The following RNF150 variants were observed in gnomAD, a reference collection of about 807,000 sequenced individuals.
RNF150 encodes ring finger protein 150.
A neutral mutation model predicts 39.3 loss-of-function variants in RNF150; 24 were observed. That is an observed-to-expected ratio of 0.61 (90% confidence interval 0.44 to 0.86). The LOEUF (loss-of-function observed/expected upper bound fraction) is 0.86, where lower values mean the gene tolerates loss of function less well. Among genes scored for constraint, RNF150 ranks in the 40% least tolerant of loss-of-function variants. The pLI is 0.00. For synonymous variants in RNF150, 255 were observed against 227.3 expected, an observed-to-expected ratio of 1.12 and a Z score of -1.10; for missense variants, 502 against 587.8, an observed-to-expected ratio of 0.85 and a Z score of 1.51.
At chr4:141,174,733 T>A (rs932227099) in intron 1 of RNF150, among the ~76,000 whole-genome samples, 1 of 152,146 alleles carries the variant, frequency 6.6e-6, no homozygotes, top group East Asian at 1.9e-4. Context: ...TGCTTCTTGC[T>A]GTCTGTAGCA....
At chr4:141,147,543 T>C (rs1482779058) in intron 1 of RNF150, among the ~76,000 whole-genome samples, 1 of 152,226 alleles carries the variant, frequency 6.6e-6, no homozygotes, top group South Asian at 2.1e-4. Flanking sequence ...AAATTTAGTG[T>C]ATCTCTATGT....
chr4:141,066,238 T>C (rs574670226), intron 1 of RNF150, among the ~76,000 whole-genome samples: 58 of 74,688 alleles, frequency 7.8e-4, no homozygotes, highest in African/African-American at 2.0e-3. Context: ...TCAGTATATG[T>C]GCGAAAAAAA....
intron 2 of RNF150, among the ~76,000 whole-genome samples, chr4:140,954,551 T>C (rs1445961748): frequency 6.6e-6 from 1 of 152,180 alleles, no homozygotes; most frequent in Non-Finnish European, 1.5e-5. Context: ...TAGGCCATCG[T>C]AATAATTAGG....
At chr4:141,025,305 T>C (rs1735655340) in intron 1 of RNF150, among the ~76,000 whole-genome samples, 1 of 152,112 alleles carries the variant, frequency 6.6e-6, no homozygotes, top group Non-Finnish European at 1.5e-5. Flanking sequence ...GTTATTCAAT[T>C]AAATAACCTC....
chr4:140,895,786 T>C (rs895288321), intron 6 of RNF150, among the ~76,000 whole-genome samples: 1 of 152,240 alleles, frequency 6.6e-6, no homozygotes, highest in African/African-American at 2.4e-5. Context: ...AGAAAACCAA[T>C]GGTAATTCTT....
chr4:140,897,599 A>T (rs767535850), intron 6 of RNF150, among the ~76,000 whole-genome samples: 1 of 152,206 alleles, frequency 6.6e-6, no homozygotes, highest in Non-Finnish European at 1.5e-5. Context: ...GACCTCTGAC[A>T]TGGTTCCTAG....
At chr4:140,901,597 T>C (rs1052450857) in intron 6 of RNF150, among the ~76,000 whole-genome samples, 4 of 152,260 alleles carry the variant, frequency 2.6e-5, no homozygotes, top group Admixed American at 1.3e-4. Flanking sequence ...CATATTCATT[T>C]ACTCATCCAA....
At chr4:141,207,807 T>G (rs1291558536) in intron 1 of RNF150, among the ~76,000 whole-genome samples, 9 of 152,204 alleles carry the variant, frequency 5.9e-5, no homozygotes, top group Non-Finnish European at 1.3e-4. Flanking sequence ...GAAGTTCTAT[T>G]TTTACCACTA....
intron 1 of RNF150, among the ~76,000 whole-genome samples, chr4:140,975,108 T>A (rs1248405836): frequency 6.6e-6 from 1 of 151,828 alleles, no homozygotes; most frequent in Admixed American, 6.6e-5. Flanking sequence ...ATACGAAAAT[T>A]AGCTGGGTGT....
At chr4:140,966,196 C>G (rs564344302) in intron 2 of RNF150, among the ~76,000 whole-genome samples, 1 of 151,972 alleles carries the variant, frequency 6.6e-6, no homozygotes, top group African/African-American at 2.4e-5. Context: ...AAAAATTAGC[C>G]AGGTGTGGTG....
At chr4:140,942,772 T>A (rs1194255983) in intron 4 of RNF150, among the ~76,000 whole-genome samples, 1 of 152,156 alleles carries the variant, frequency 6.6e-6, no homozygotes, top group African/African-American at 2.4e-5. Flanking sequence ...GGATTTGGAT[T>A]TTTGGACTAC....
chr4:141,013,708 A>G (rs1008578069), intron 1 of RNF150, among the ~76,000 whole-genome samples: 14 of 152,204 alleles, frequency 9.2e-5, no homozygotes, highest in African/African-American at 3.1e-4. Context: ...ACTGATTTTG[A>G]TTGACAAATT....
chr4:141,025,295 G>C (rs181760680), intron 1 of RNF150, among the ~76,000 whole-genome samples: 4 of 152,150 alleles, frequency 2.6e-5, no homozygotes, highest in Non-Finnish European at 4.4e-5. Flanking sequence ...CATTCAATCA[G>C]TTATTCAATT....
intron 1 of RNF150, among the ~76,000 whole-genome samples, chr4:141,078,828 T>C (rs1440203483): frequency 0.01 from 1,314 of 130,766 alleles, 36 homozygotes; most frequent in African/African-American, 0.032. Flanking sequence ...TATATATATA[T>C]ATATACACAC....
At chr4:141,029,954 T>C (rs1377416236) in intron 1 of RNF150, among the ~76,000 whole-genome samples, 1 of 152,104 alleles carries the variant, frequency 6.6e-6, no homozygotes, top group Non-Finnish European at 1.5e-5. Context: ...CTCAGTACTT[T>C]GGGAGGCCGA....
chr4:141,169,510 A>G (rs1186848122), intron 1 of RNF150, among the ~76,000 whole-genome samples: 2 of 152,218 alleles, frequency 1.3e-5, no homozygotes, highest in Non-Finnish European at 2.9e-5. Flanking sequence ...GCAGAGAATC[A>G]GAGTAATTCT....
rs568070197 is a variant in RNF150 at position 141,191,774 on chromosome 4, G to T, written c.-6+21020C>A. Among the ~76,000 whole-genome samples, 18 of 152,236 alleles carry T rather than the reference G, an allele frequency of 1.2e-4. No individual in the cohort carries two copies. The South Asian group carries it at 3.3e-3, about 28-fold the overall frequency. Reference sequence around the variant, plus strand: ...TATAACACACATATGTCTTAGCAAGGGATGCTCCCTGGCTTTGTGCCCATT... The same window carrying T: ...TATAACACACATATGTCTTAGCAAGTGATGCTCCCTGGCTTTGTGCCCATT... On this transcript the variant is annotated intron_variant, in intron 1 of 7. Transcript: ENST00000420921.
chr4:141,120,823 G>A (rs899116648), intron 1 of RNF150, among the ~76,000 whole-genome samples: 3 of 152,070 alleles, frequency 2.0e-5, no homozygotes, highest in African/African-American at 7.2e-5. Flanking sequence ...CAAGTATGAT[G>A]GGGAATCCCT....
At chr4:141,205,232 C>A (rs1397508133) in intron 1 of RNF150, among the ~76,000 whole-genome samples, 1 of 152,096 alleles carries the variant, frequency 6.6e-6, no homozygotes, top group African/African-American at 2.4e-5. Context: ...ATACCCTAAG[C>A]ATCTAGTACA....
Sources: allele counts gnomAD v4.1 joint callset (sites outside exome capture counted in the v4.1 genomes callset), GRCh38; gene constraint gnomAD v4.1.1; transcripts MANE v1.5; gene names NCBI Gene and HGNC (gene_info 2026-07-23, HGNC 2026-07-21).